Variants in CWH43 observed in about 807,000 individuals in gnomAD.
The protein encoded by CWH43 is PGAP2-interacting protein.
In CWH43, 91 loss-of-function variants were observed where a neutral mutation model predicts 85.7. The ratio of observed to expected loss-of-function variants is 1.06; its 90% CI spans 0.90 to 1.26. CWH43 has a LOEUF of 1.26. CWH43 is among the 50% of genes most tolerant of loss of function. The pLI is 0.00. For missense variants in CWH43, 869 were observed against 839.2 expected, an observed-to-expected ratio of 1.04 and a Z score of -0.44; for synonymous variants, 323 against 293.6, an observed-to-expected ratio of 1.10 and a Z score of -1.02.
intron 13 of CWH43, among the ~76,000 whole-genome samples, chr4:49,039,334 C>T (rs1463042730): frequency 5.6e-3 from 36 of 6,472 alleles, no homozygotes; most frequent in East Asian, 0.011. Context: ...TATATATATA[C>T]TGATGTATAT....
intron 8 of CWH43, among the ~76,000 whole-genome samples, chr4:49,008,556 A>G (rs1299935553): frequency 1.3e-5 from 2 of 152,130 alleles, no homozygotes; most frequent in African/African-American, 4.8e-5. Flanking sequence ...GTCTATGCCT[A>G]TGTCCTGAAT....
chr4:49,052,615 G>A (rs777909038), intron 15 of CWH43, among the ~76,000 whole-genome samples: 14 of 152,092 alleles, frequency 9.2e-5, no homozygotes, highest in East Asian at 1.9e-4. Context: ...GCAGGAGTGC[G>A]GAGAAATCCA....
chr4:49,007,144 A>G (rs1783184528), intron 7 of CWH43, 57 bp from the exon 8 acceptor site: 1 of 1,548,994 alleles, frequency 6.5e-7, no homozygotes, highest in Non-Finnish European at 8.7e-7. Flanking sequence ...CTGGAATACA[A>G]CATTGGAAGG....
At position 49,020,416 on chromosome 4, in the gene CWH43, C is replaced by CACACACACACACACACAT. The variant is rs140534523; in HGVS notation, c.1266+3089_1266+3090insCACACACACACACACATA. Among the ~76,000 whole-genome samples the CACACACACACACACACAT allele has an allele frequency of 3.1e-3, 397 of 128,358 alleles. 4 individuals are homozygous for CACACACACACACACACAT. Among genetic ancestry groups the CACACACACACACACACAT allele is most frequent in the Admixed American group, 0.016 (179 of 11,044 alleles). 84.2% of individuals were successfully genotyped at this position (128,358 alleles called of 152,430 possible). On this transcript the variant is annotated intron_variant, in intron 9 of 15. Coordinates refer to ENST00000226432, the MANE Select transcript of CWH43 (RefSeq NM_025087.3). ...ACACACACACACACACACACACACA[C>CACACACACACACACACAT]ATATATATATATAAATCATATTTTC...
chr4:49,005,246 T>C (rs925204483), intron 7 of CWH43, among the ~76,000 whole-genome samples: 8 of 152,208 alleles, frequency 5.3e-5, no homozygotes, highest in African/African-American at 1.9e-4. Flanking sequence ...AATTGCAATT[T>C]TGTTACATGC....
intron 13 of CWH43, among the ~76,000 whole-genome samples, chr4:49,039,307 A>AT (rs1491324931): frequency 5.7e-5 from 1 of 17,654 alleles, no homozygotes; most frequent in Non-Finnish European, 1.6e-4. Context: ...CAGGAGACTG[A>AT]TATATATATA....
At chr4:49,052,399 T>G (rs868643181) in intron 15 of CWH43, among the ~76,000 whole-genome samples, 1 of 152,190 alleles carries the variant, frequency 6.6e-6, no homozygotes, top group Non-Finnish European at 1.5e-5. Context: ...ATGTGAGGTA[T>G]GAATGGCACA....
intron 8 of CWH43, 95 bp downstream of exon 8, chr4:49,007,421 T>C (rs1422297251): frequency 7.7e-7 from 1 of 1,303,738 alleles, no homozygotes; most frequent in African/African-American, 1.5e-5. Context: ...GTATCCTTCA[T>C]CCTGTTTCAG....
At chr4:49,034,814 T>A (rs1158809037) in intron 12 of CWH43, among the ~76,000 whole-genome samples, 1 of 152,222 alleles carries the variant, frequency 6.6e-6, no homozygotes, top group African/African-American at 2.4e-5. Flanking sequence ...GTCCTACCTA[T>A]TTCATGGGGT....
chr4:48,986,536 T>C, intron 1 of CWH43, 64 bp downstream of exon 1: 1 of 1,545,636 alleles, frequency 6.5e-7, no homozygotes, highest in East Asian at 2.5e-5. Flanking sequence ...TCCAGAGCCG[T>C]GGAGCCAGGC....
chr4:49,020,416 C>CACACACATAT lies in CWH43; in HGVS notation c.1266+3089_1266+3090insCACACATATA, dbSNP rs140534523. Among the ~76,000 whole-genome samples the CACACACATAT allele has an allele frequency of 5.7e-3, 734 of 128,364 alleles. 8 individuals carry two copies. Among genetic ancestry groups the CACACACATAT allele is most frequent in the African/African-American group, 0.01 (388 of 37,700 alleles). 84.2% of individuals were successfully genotyped at this position (128,364 alleles called of 152,430 possible). A position where few individuals can be genotyped will look rare whatever the true frequency, so the allele number is the denominator to read the frequency against. ...ACACACACACACACACACACACACACATATATATATATAAATCATATTTTC... is the reference window on the plus strand; with the variant it reads ...ACACACACACACACACACACACACACACACACATATATATATATATATAAATCATATTTTC... On this transcript the variant is annotated intron_variant, in intron 9 of 15. Transcript: ENST00000226432.
chr4:49,013,277 T>C (rs1783426370), intron 8 of CWH43, among the ~76,000 whole-genome samples: 1 of 152,260 alleles, frequency 6.6e-6, no homozygotes, highest in Non-Finnish European at 1.5e-5. Context: ...CAAGGCTCCC[T>C]GTGTGAGGTA....
At chr4:49,053,548 G>A (rs2109844241) in intron 15 of CWH43, among the ~76,000 whole-genome samples, 1 of 152,190 alleles carries the variant, frequency 6.6e-6, no homozygotes, top group East Asian at 1.9e-4. Context: ...TTAGTGATGA[G>A]CATTTCTTCA....
At chr4:49,039,045 G>T (rs1257036070) in intron 13 of CWH43, among the ~76,000 whole-genome samples, 1 of 148,812 alleles carries the variant, frequency 6.7e-6, no homozygotes, top group Middle Eastern at 3.2e-3. Context: ...GTGACAGAGC[G>T]AGACTCTGTC....
intron 15 of CWH43, among the ~76,000 whole-genome samples, chr4:49,060,106 A>G (rs1228502434): frequency 1.3e-5 from 2 of 151,876 alleles, no homozygotes; most frequent in Non-Finnish European, 2.9e-5. Flanking sequence ...CTGGGTTCAC[A>G]GGGCCAGTCT....
At chr4:49,007,354 A>G (rs747084090) in intron 8 of CWH43, 28 bp downstream of exon 8, 6 of 1,508,824 alleles carry the variant, frequency 4.0e-6, no homozygotes, top group Non-Finnish European at 8.8e-7. Context: ...TTCTTAAAAA[A>G]AATTAATTAT....
chr4:49,036,471 C>T (rs1234008583), intron 12 of CWH43, among the ~76,000 whole-genome samples: 1 of 152,120 alleles, frequency 6.6e-6, no homozygotes, highest in Non-Finnish European at 1.5e-5. Flanking sequence ...TTTTAATAGC[C>T]CTCAGCTATT....
chr4:49,054,595 G>A (rs974580419), intron 15 of CWH43, among the ~76,000 whole-genome samples: 1 of 152,024 alleles, frequency 6.6e-6, no homozygotes, highest in Non-Finnish European at 1.5e-5. Flanking sequence ...GATTGCTTTT[G>A]GTAGTATGAA....
Position 49,028,637 on chromosome 4 carries a change from C to T in CWH43, c.1275C>T (p.Thr425=). The T allele has an allele frequency of 6.2e-7, 1 of 1,612,642 alleles. No individual in the cohort carries two copies. The highest frequency in any genetic ancestry group is 8.5e-7 in the Non-Finnish European group (1 of 1,179,062). ...YERKLGKVAP[T]KEVSAAIWPF... ...TTAAAACAATTCCTCAGGCACCAAC[C>T]AAAGAGGTCTCTGCTGCCATCTGGC... Residue 425 remains threonine, a synonymous_variant, in exon 10 of 16, where the codon ACC becomes ACT. Transcript: ENST00000226432.
Sources: allele counts gnomAD v4.1 joint callset (sites outside exome capture counted in the v4.1 genomes callset), GRCh38; gene constraint gnomAD v4.1.1; transcripts MANE v1.5; gene names NCBI Gene and HGNC (gene_info 2026-07-23, HGNC 2026-07-21).